ITPR2: variants seen among roughly 807,000 people sequenced by gnomAD.
The protein encoded by ITPR2 is inositol 1,4,5-trisphosphate receptor type 2, also known as inositol 1,4,5-trisphosphate-gated calcium channel ITPR2.
Under a neutral mutation model 317.1 loss-of-function variants are expected in ITPR2, and 207 were observed. The ratio of observed to expected loss-of-function variants is 0.65; its 90% confidence interval spans 0.58 to 0.73. ITPR2 has a LOEUF of 0.73. Among genes scored for constraint, ITPR2 ranks in the 30% least tolerant of loss-of-function variants. The pLI is 0.00. For missense variants in ITPR2, 2,613 were observed against 3,284.0 expected, an observed-to-expected ratio of 0.80 and a Z score of 4.99; for synonymous variants, 1,156 against 1,149.1, an observed-to-expected ratio of 1.01 and a Z score of -0.12.
chr12:26,825,086 A>G (rs1361503192), intron 1 of ITPR2, among the ~76,000 whole-genome samples: 1 of 152,134 alleles, frequency 6.6e-6, no homozygotes, highest in East Asian at 1.9e-4. Context: ...ACAATAAATT[A>G]GCCGAATGTG....
At chr12:26,583,334 A>G (rs1945446732) in intron 32 of ITPR2, among the ~76,000 whole-genome samples, 1 of 152,266 alleles carries the variant, frequency 6.6e-6, no homozygotes, top group South Asian at 2.1e-4. Flanking sequence ...CAAAAACCTA[A>G]TGACTGCACA....
intron 45 of ITPR2, among the ~76,000 whole-genome samples, chr12:26,455,360 A>C (rs1941856116): frequency 6.6e-6 from 1 of 151,446 alleles, no homozygotes; most frequent in Admixed American, 6.6e-5. Flanking sequence ...AAAAAAAAAA[A>C]AAAAAAAAAA....
intron 37 of ITPR2, among the ~76,000 whole-genome samples, chr12:26,526,423 T>G (rs1943810356): frequency 2.0e-5 from 3 of 152,124 alleles, no homozygotes. Context: ...TGATTCTGTT[T>G]GAGGAACAGA....
intron 55 of ITPR2, among the ~76,000 whole-genome samples, chr12:26,378,432 G>A (rs190776130): frequency 7.0e-4 from 107 of 152,228 alleles, no homozygotes; most frequent in Admixed American, 2.2e-3. Flanking sequence ...AAGGGACGTG[G>A]GATGAAATGA....
chr12:26,481,061 A>G (rs1942534373), intron 43 of ITPR2, 70 bp downstream of exon 43: 1 of 833,966 alleles, frequency 1.2e-6, no homozygotes, highest in Non-Finnish European at 2.0e-6. Flanking sequence ...TATGCTTTTG[A>G]CAAGAGCTGC....
rs148999433 is a variant in ITPR2 at position 26,541,939 on chromosome 12, T to A, written c.5073+8308A>T. On this transcript the variant is annotated intron_variant, in intron 37 of 56. Coordinates refer to ENST00000381340, the MANE Select transcript of ITPR2 (RefSeq NM_002223.4). ...TAATTCAGGCATCATTTCTTAAAGA[T>A]CTTTATTCCATATCACTCCGGATAT... 5.9e-4 allele frequency among the ~76,000 whole-genome samples: 89 copies of A among 152,084 alleles called. 1 individual carries two copies. In the East Asian group the frequency reaches 0.015, roughly 26 times the overall value.
chr12:26,648,448 G>A (rs1947165305), intron 21 of ITPR2, among the ~76,000 whole-genome samples: 1 of 150,922 alleles, frequency 6.6e-6, no homozygotes, highest in Non-Finnish European at 1.5e-5. Flanking sequence ...TGAGCATACA[G>A]AACTGTATCA....
At chr12:26,433,821 G>T (rs1050848881) in intron 48 of ITPR2, among the ~76,000 whole-genome samples, 2 of 152,100 alleles carry the variant, frequency 1.3e-5, no homozygotes, top group African/African-American at 4.8e-5. Flanking sequence ...GGGATGGAGA[G>T]AAACAGGGAA....
intron 1 of ITPR2, among the ~76,000 whole-genome samples, chr12:26,820,728 A>C (rs1950926082): frequency 6.6e-6 from 1 of 152,234 alleles, no homozygotes; most frequent in African/African-American, 2.4e-5. Context: ...AACAATCCAA[A>C]TGCCTATCAA....
rs770414253 is a variant in ITPR2, at chr12:26,657,882, T to C, written c.2017A>G (p.Met673Val). The C allele has an allele frequency of 9.3e-6, 15 of 1,613,590 alleles. No homozygotes were observed. In the South Asian group the frequency reaches 1.3e-4, roughly 14 times the overall value. ...CTCTCCATGGGGTTGTCTGCTTGCA[T>C]TGAGACCACCCTTCAAATAAATAGC... is the stretch of plus-strand genomic sequence containing the variant. ...DILIQTKVVSMQADNPMESSI... is the reference protein window; with the variant it reads ...DILIQTKVVSVQADNPMESSI... Residue 673 changes from methionine to valine, a missense_variant, in exon 18 of 57, where the codon ATG becomes GTG. By Grantham distance (21) the Met-to-Val change is conservative (BLOSUM62 1). Coordinates refer to ENST00000381340, the MANE Select transcript of ITPR2 (RefSeq NM_002223.4).
intron 37 of ITPR2, among the ~76,000 whole-genome samples, chr12:26,508,263 T>A (rs1038983848): frequency 1.3e-5 from 2 of 152,194 alleles, no homozygotes; most frequent in Admixed American, 6.5e-5. Flanking sequence ...ATTGATGAAC[T>A]ATATTGAACG....
intron 21 of ITPR2, among the ~76,000 whole-genome samples, chr12:26,640,380 A>G (rs1359938370): frequency 2.0e-5 from 3 of 151,650 alleles, no homozygotes; most frequent in Non-Finnish European, 2.9e-5. Flanking sequence ...AAATTTAATT[A>G]AAAAAAAACA....
At chr12:26,541,209 C>T (rs1944250758) in intron 37 of ITPR2, among the ~76,000 whole-genome samples, 1 of 150,286 alleles carries the variant, frequency 6.7e-6, no homozygotes, top group Admixed American at 6.6e-5. Context: ...CCCAGCTACT[C>T]GGGAGGCTGA....
At chr12:26,714,190 A>T (rs1265099268) in intron 8 of ITPR2, among the ~76,000 whole-genome samples, 1 of 151,924 alleles carries the variant, frequency 6.6e-6, no homozygotes, top group African/African-American at 2.4e-5. Context: ...TTACTTCCTC[A>T]TTTTCTGCAT....
chr12:26,738,314 A>G (rs1949165889), intron 2 of ITPR2, among the ~76,000 whole-genome samples: 1 of 152,230 alleles, frequency 6.6e-6, no homozygotes, highest in Admixed American at 6.5e-5. Flanking sequence ...TGGAAAGTAG[A>G]ACAGTAAAAT....
rs201928790 is a variant in ITPR2, at chr12:26,483,906, C to G, written c.5812-8G>C. The G allele has an allele frequency of 1.9e-5, 30 of 1,611,572 alleles. No homozygotes were observed. The East Asian group carries it at 2.7e-4, about 14-fold the overall frequency. ...TTGATTCCTCAAGAAGTTCTGAAGG[C>G]AAAAGAAAATAAAATTGAAGGGTTA... On this transcript the variant is annotated splice_polypyrimidine_tract_variant and splice_region_variant and intron_variant, in intron 41 of 56. Coordinates refer to ENST00000381340, the MANE Select transcript of ITPR2 (RefSeq NM_002223.4).
chr12:26,512,016 C>G (rs765138830), intron 37 of ITPR2, among the ~76,000 whole-genome samples: 3 of 152,142 alleles, frequency 2.0e-5, no homozygotes, highest in African/African-American at 4.8e-5. Context: ...TACTCTTCAT[C>G]TCATTTCCAC....
chr12:26,350,948 G>A (rs1428330674), intron 55 of ITPR2, among the ~76,000 whole-genome samples: 1 of 152,200 alleles, frequency 6.6e-6, no homozygotes, highest in East Asian at 1.9e-4. Context: ...ACAGGGCACC[G>A]AGGGATAGAG....
intron 45 of ITPR2, among the ~76,000 whole-genome samples, chr12:26,464,399 G>A (rs1443895521): frequency 6.6e-6 from 1 of 152,180 alleles, no homozygotes; most frequent in East Asian, 1.9e-4. Flanking sequence ...TACAGTTCAC[G>A]ACAAGGTTCA....
Sources: allele counts gnomAD v4.1 joint callset (sites outside exome capture counted in the v4.1 genomes callset), GRCh38; gene constraint gnomAD v4.1.1; transcripts MANE v1.5; gene names NCBI Gene and HGNC (gene_info 2026-07-23, HGNC 2026-07-21).